MAGI1: variants seen among roughly 807,000 people sequenced by gnomAD.
The protein encoded by MAGI1 is membrane-associated guanylate kinase, WW and PDZ domain-containing protein 1.
Under a neutral mutation model 139.9 loss-of-function variants are expected in MAGI1, and 58 were observed. The observed-to-expected ratio is 0.41, with a 90% CI of 0.34 to 0.52. The LOEUF is 0.52. Among genes scored for constraint, MAGI1 ranks in the 20% least tolerant of loss-of-function variants. The probability of loss-of-function intolerance (pLI) is 0.12; values close to 1 mark genes in which losing one functional copy is unlikely to be tolerated. For synonymous variants in MAGI1, 812 were observed against 737.9 expected (o/e 1.10, Z -1.63); for missense variants, 1,874 against 1,901.6 (o/e 0.99, Z 0.27).
intron 1 of MAGI1, among the ~76,000 whole-genome samples, chr3:65,970,688 T>C (rs1312809826): frequency 2.0e-5 from 3 of 152,106 alleles, no homozygotes; most frequent in Non-Finnish European, 4.4e-5. Context: ...TAAGTAAAGC[T>C]ACCCTACAAA....
Position 65,671,474 on chromosome 3 carries a change from C to T in MAGI1, c.314-49386G>A, listed in dbSNP as rs550678732. Among the ~76,000 whole-genome samples the T allele has an allele frequency of 5.3e-5, 8 of 152,240 alleles. No homozygotes were observed. The East Asian group carries it at 7.7e-4, about 15-fold the overall frequency. On this transcript the variant is annotated intron_variant, in intron 1 of 22. Transcript: ENST00000402939. The stretch of plus-strand genomic sequence containing the variant: ...GCCCCCTGCAATTCAAAACTGCCAC[C>T]GGTTGAAAACCACTGCTATAAATTA...
At chr3:65,489,915 T>C (rs183734163) in intron 3 of MAGI1, among the ~76,000 whole-genome samples, 3 of 152,350 alleles carry the variant, frequency 2.0e-5, no homozygotes, top group East Asian at 3.9e-4. Flanking sequence ...AACATTTATA[T>C]ATGTCTTCCT....
At chr3:65,694,717 T>C (rs905732442) in intron 1 of MAGI1, among the ~76,000 whole-genome samples, 2 of 152,228 alleles carry the variant, frequency 1.3e-5, no homozygotes, top group African/African-American at 4.8e-5. Context: ...CTCCTGTGAC[T>C]AACCCCTGAG....
intron 1 of MAGI1, among the ~76,000 whole-genome samples, chr3:65,736,312 C>A (rs967212865): frequency 2.0e-5 from 3 of 152,154 alleles, no homozygotes; most frequent in Admixed American, 6.5e-5. Flanking sequence ...GTGACAAGAA[C>A]AGAGACTCCT....
chr3:65,840,596 T>G (rs1001920111), intron 1 of MAGI1, among the ~76,000 whole-genome samples: 1 of 152,068 alleles, frequency 6.6e-6, no homozygotes, highest in Non-Finnish European at 1.5e-5. Context: ...CAGCTTTATA[T>G]CCCTACAATA....
rs560244973 is a variant in MAGI1 at position 65,454,665 on chromosome 3, T to C, written c.960-1325A>G. 5.5e-4 allele frequency among the ~76,000 whole-genome samples: 83 copies of C among 149,728 alleles called. 1 individual carries two copies. The highest frequency in any genetic ancestry group is 1.1e-3 in the Non-Finnish European group (73 of 67,588). On this transcript the variant is annotated intron_variant, in intron 5 of 22. Coordinates refer to ENST00000402939, the MANE Select transcript of MAGI1 (RefSeq NM_001033057.2). ...GACATTTCGGTTGTAAATTTGGGAGTTGGCAGGGAAGAGGGTTTGCCAAAG... is the reference window on the plus strand; with the variant it reads ...GACATTTCGGTTGTAAATTTGGGAGCTGGCAGGGAAGAGGGTTTGCCAAAG...
intron 5 of MAGI1, among the ~76,000 whole-genome samples, chr3:65,462,139 A>G (rs1949839649): frequency 6.6e-6 from 1 of 152,016 alleles, no homozygotes; most frequent in Non-Finnish European, 1.5e-5. Flanking sequence ...CCCATTTGTC[A>G]ATTTTGGCTT....
intron 2 of MAGI1, among the ~76,000 whole-genome samples, chr3:65,498,157 G>A (rs1952582871): frequency 6.6e-6 from 1 of 152,086 alleles, no homozygotes; most frequent in African/African-American, 2.4e-5. Flanking sequence ...GTTTTCAGGA[G>A]CCATCTGGGT....
At chr3:65,406,120 G>T (rs762781961) in intron 12 of MAGI1, among the ~76,000 whole-genome samples, 7 of 152,054 alleles carry the variant, frequency 4.6e-5, no homozygotes, top group African/African-American at 7.2e-5. Flanking sequence ...TATCCTCCAA[G>T]AGTTGCTTAC....
In MAGI1 at chr3:65,440,132, C is replaced by T. The variant is rs558459265; in HGVS notation, c.1137-120G>A. ...GCAGGTGGTCTGAGATGCTAACCCT[C>T]GTGTGTTAAAATGCTCAGTTAGAAA... On this transcript the variant is annotated intron_variant, in intron 8 of 22. Transcript: ENST00000402939. 5.6e-4 allele frequency: 612 copies of T among 1,100,910 alleles called. 11 individuals carry two copies. The South Asian group carries it at 6.3e-3, about 11-fold the overall frequency. 68.2% of individuals were successfully genotyped at this position (1,100,910 alleles called of 1,614,324 possible).
intron 2 of MAGI1, among the ~76,000 whole-genome samples, chr3:65,494,515 G>A (rs1952280151): frequency 6.6e-6 from 1 of 152,096 alleles, no homozygotes; most frequent in Non-Finnish European, 1.5e-5. Context: ...CCTGTATTAG[G>A]AGCCTATGTT....
chr3:65,684,469 T>C (rs1190516264), intron 1 of MAGI1, among the ~76,000 whole-genome samples: 1 of 152,144 alleles, frequency 6.6e-6, no homozygotes, highest in African/African-American at 2.4e-5. Context: ...ATGACCAACT[T>C]TCAGAAATTG....
intron 1 of MAGI1, among the ~76,000 whole-genome samples, chr3:65,736,860 A>G (rs1042391671): frequency 3.3e-5 from 5 of 152,220 alleles, no homozygotes; most frequent in Non-Finnish European, 5.9e-5. Context: ...CTACCTGGGA[A>G]TCTCTTAACC....
chr3:65,747,656 G>A (rs1483131035), intron 1 of MAGI1, among the ~76,000 whole-genome samples: 1 of 152,154 alleles, frequency 6.6e-6, no homozygotes, highest in Non-Finnish European at 1.5e-5. Context: ...GTTAAGTGAT[G>A]TGTTGATATA....
In MAGI1 at chr3:65,830,008, C is replaced by T. The variant is rs148873709; in HGVS notation, c.314-207920G>A. Among the ~76,000 whole-genome samples, 198 of 152,230 alleles carry T rather than the reference C, an allele frequency of 1.3e-3. 1 individual carries two copies. Among genetic ancestry groups the T allele is most frequent in the South Asian group, 4.2e-3 (20 of 4,816 alleles). On this transcript the variant is annotated intron_variant, in intron 1 of 22. Coordinates refer to ENST00000402939, the MANE Select transcript of MAGI1 (RefSeq NM_001033057.2). ...TTAGTCACAACGGTATCTACATACA[C>T]GTGAAAAATGACATTCCAGACACAC...
chr3:65,499,210 G>A (rs2076991504), intron 2 of MAGI1, among the ~76,000 whole-genome samples: 1 of 151,924 alleles, frequency 6.6e-6, no homozygotes, highest in Non-Finnish European at 1.5e-5. Context: ...ATGGTTTGTA[G>A]CAAACAAAAC....
intron 2 of MAGI1, among the ~76,000 whole-genome samples, chr3:65,597,280 C>T (rs1468744684): frequency 6.6e-6 from 1 of 150,436 alleles, no homozygotes; most frequent in Non-Finnish European, 1.5e-5. Flanking sequence ...CCCCAGTCCC[C>T]ATTCAGCCGA....
chr3:65,481,290 G>T (rs1004422295), intron 3 of MAGI1, among the ~76,000 whole-genome samples: 1 of 152,152 alleles, frequency 6.6e-6, no homozygotes, highest in Non-Finnish European at 1.5e-5. Context: ...AAATTAGCAC[G>T]TGTCAAACAA....
Position 65,442,775 on chromosome 3 carries a change from T to C in MAGI1, c.1136+17A>G. 6.2e-7 allele frequency: 1 copy of C among 1,600,814 alleles called. No individual in the cohort carries two copies. The highest frequency in any genetic ancestry group is 8.6e-7 in the Non-Finnish European group (1 of 1,168,620). ...GAGAGGTATAAACTAATGTGTGGAT[T>C]GTGAATGGGCACTTACTCTACATAG... On this transcript the variant is annotated intron_variant, in intron 8 of 22. Coordinates refer to ENST00000402939, the MANE Select transcript of MAGI1 (RefSeq NM_001033057.2).
Sources: gnomAD v4.1 joint callset for allele counts (sites outside exome capture counted in the v4.1 genomes callset) on GRCh38, gnomAD v4.1.1 for gene constraint, MANE v1.5 for transcripts, NCBI Gene and HGNC (gene_info 2026-07-23, HGNC 2026-07-21) for gene names.